The following RFX8 variants were observed in gnomAD, a reference collection of about 807,000 sequenced individuals.
The protein encoded by RFX8 is regulatory factor X8.
Under a neutral mutation model 54.6 loss-of-function variants are expected in RFX8, and 46 were observed. That is an observed-to-expected ratio of 0.84 (90% confidence interval 0.67 to 1.08). The LOEUF (loss-of-function observed/expected upper bound fraction) is 1.08, where lower values mean the gene tolerates loss of function less well. Ranked by LOEUF, RFX8 falls within the 50% of genes least tolerant of loss-of-function variation. The probability of loss-of-function intolerance (pLI) is 0.00; values close to 1 mark genes in which losing one functional copy is unlikely to be tolerated. For missense variants in RFX8, 536 were observed against 562.3 expected, an observed-to-expected ratio of 0.95 and a Z score of 0.47; for synonymous variants, 192 against 209.5, an observed-to-expected ratio of 0.92 and a Z score of 0.72.
chr2:101,418,143 G>A (rs1302100069), intron 5 of RFX8, among the ~76,000 whole-genome samples: 2 of 152,132 alleles, frequency 1.3e-5, no homozygotes. Flanking sequence ...ACCCGCCTCA[G>A]CCTCCCAAAG....
At chr2:101,439,596 C>CTTTTTTTTTTTTTTTTTTTTTTTTTTTT (rs139433618) in intron 2 of RFX8, among the ~76,000 whole-genome samples, 1 of 143,604 alleles carries the variant, frequency 7.0e-6, no homozygotes, top group African/African-American at 2.6e-5. Context: ...GATTGAAGTT[C>CTTTTTTTTTTTTTTTTTTTTTTTTTTTT]ATTTTTTTTT....
intron 2 of RFX8, chr2:101,452,463 G>C (rs545529235): frequency 2.3e-6 from 3 of 1,287,752 alleles, no homozygotes; most frequent in African/African-American, 3.1e-5. Context: ...GAATAAGCCA[G>C]ATTTAAAGTT....
intron 2 of RFX8, among the ~76,000 whole-genome samples, chr2:101,447,085 G>A (rs1350258026): frequency 2.6e-5 from 4 of 152,146 alleles, no homozygotes; most frequent in Middle Eastern, 3.2e-3. Context: ...AGGTTTAGGT[G>A]GGACAGGCTT....
intron 2 of RFX8, among the ~76,000 whole-genome samples, chr2:101,454,073 G>A (rs1317347117): frequency 4.7e-5 from 7 of 150,534 alleles, no homozygotes; most frequent in African/African-American, 1.5e-4. Flanking sequence ...ACAGGCCCCG[G>A]TGTGTGATGT....
chr2:101,421,258 A>C (rs1315264430), intron 4 of RFX8: 2 of 985,686 alleles, frequency 2.0e-6, no homozygotes, highest in Admixed American at 6.1e-5. Flanking sequence ...AATAGCTGAA[A>C]GATTTATTCA....
intron 4 of RFX8, among the ~76,000 whole-genome samples, chr2:101,420,781 C>T (rs1686821382): frequency 1.3e-5 from 2 of 152,074 alleles, no homozygotes; most frequent in African/African-American, 2.4e-5. Context: ...TCTCTGTTAC[C>T]CTTCTCTGGG....
At chr2:101,463,669 G>A in intron 2 of RFX8, among the ~76,000 whole-genome samples, 1 of 152,160 alleles carries the variant, frequency 6.6e-6, no homozygotes. Flanking sequence ...TCCCAAGGGG[G>A]CCCTGAACAC....
At chr2:101,450,171 T>A (rs1688600371) in intron 2 of RFX8, among the ~76,000 whole-genome samples, 1 of 152,132 alleles carries the variant, frequency 6.6e-6, no homozygotes, top group South Asian at 2.1e-4. Context: ...AACCAAAAAG[T>A]CAGTTAGATA....
At chr2:101,407,748 C>G (rs913148363) in intron 9 of RFX8, among the ~76,000 whole-genome samples, 8 of 152,094 alleles carry the variant, frequency 5.3e-5, no homozygotes, top group African/African-American at 1.9e-4. Context: ...AGGGATGCAG[C>G]TCTGAGTGAC....
intron 2 of RFX8, among the ~76,000 whole-genome samples, chr2:101,445,045 G>C (rs1688294773): frequency 6.6e-6 from 1 of 152,196 alleles, no homozygotes; most frequent in Non-Finnish European, 1.5e-5. Flanking sequence ...TGCATAGTGT[G>C]CTGCTGCTTC....
intron 9 of RFX8, among the ~76,000 whole-genome samples, chr2:101,409,226 G>A (rs1253186373): frequency 1.3e-5 from 2 of 152,028 alleles, no homozygotes; most frequent in Non-Finnish European, 2.9e-5. Flanking sequence ...TTGTTTGTTT[G>A]TTTGTTTGTT....
chr2:101,414,876 G>A lies in RFX8; in HGVS notation c.539C>T (p.Thr180Met), dbSNP rs561167999. 175 of 1,550,560 alleles carry A rather than the reference G, an allele frequency of 1.1e-4. 3 individuals are homozygous for A. The South Asian group carries it at 1.9e-3, about 17-fold the overall frequency. Residue 180 changes from threonine to methionine, a missense_variant, in exon 7 of 12, where the codon ACG becomes ATG. By Grantham distance (81) the Thr-to-Met change is moderately conservative. Transcript: ENST00000428343. ...TACCTTAGCCATGTTGGAAAGGTAC[G>A]TCTTTCTTCTTAGTCTTTTGACAAA... ...TLFVKRLRRK[T>M]YLSNMAKTMR...
At position 101,402,639 on chromosome 2, in the gene RFX8, G is replaced by A. The variant is rs1475818941; in HGVS notation, c.1042C>T (p.Pro348Ser). The part of the protein sequence containing the change: ...EDMGTVKEML[P>S]DDPTLGQPDQ... ...GGCTGGCCGAGAGTCGGGTCATCTG[G>A]TAGCATTTCCTTGACAGTCCCCATG... The change falls in exon 11 of 12, where the codon CCA (proline) becomes TCA (serine). Residue 348 changes from proline (P) to serine (S), a missense_variant. Coordinates refer to ENST00000428343, the MANE Select transcript of RFX8 (RefSeq NM_001145664.2). The A allele has an allele frequency of 6.4e-7, 1 of 1,553,542 alleles. No individual in the cohort carries two copies. Among genetic ancestry groups the A allele is most frequent in the Non-Finnish European group, 8.7e-7 (1 of 1,147,824 alleles).
chr2:101,452,624 G>A (rs1157524610), intron 2 of RFX8, among the ~76,000 whole-genome samples: 1 of 152,102 alleles, frequency 6.6e-6, no homozygotes, highest in African/African-American at 2.4e-5. Flanking sequence ...AAATGTAAAT[G>A]AAATTTTGGG....
intron 10 of RFX8, among the ~76,000 whole-genome samples, chr2:101,403,719 G>A (rs1391419690): frequency 5.3e-5 from 8 of 152,114 alleles, no homozygotes; most frequent in East Asian, 1.9e-4. Context: ...CCCAGGAGGC[G>A]GAGGTTGCAA....
chr2:101,417,754 A>G (rs956372999), intron 5 of RFX8, 70 bp from the exon 6 acceptor site: 39 of 1,330,036 alleles, frequency 2.9e-5, no homozygotes, highest in Non-Finnish European at 2.5e-5. Context: ...TATGCATGCC[A>G]CAGGGACAGG....
intron 1 of RFX8, among the ~76,000 whole-genome samples, chr2:101,469,065 T>TGTATATATATATAAGTGTATATATATAA: frequency 4.0e-5 from 1 of 24,872 alleles, no homozygotes; most frequent in East Asian, 6.0e-4. Flanking sequence ...CGTATATATA[T>TGTATATATATATAAGTGTATATATATAA]GTATATATAT....
At chr2:101,450,610 C>G in intron 2 of RFX8, 4 of 1,497,886 alleles carry the variant, frequency 2.7e-6, no homozygotes, top group Non-Finnish European at 3.6e-6. Context: ...TACCTTTTTT[C>G]ACCTATCAGG....
intron 9 of RFX8, among the ~76,000 whole-genome samples, chr2:101,409,805 G>A (rs1685988474): frequency 6.6e-6 from 1 of 152,106 alleles, no homozygotes; most frequent in African/African-American, 2.4e-5. Flanking sequence ...TGGCCTCCCT[G>A]TAGGTTTTAA....
Sources: gnomAD v4.1 joint callset for allele counts (sites outside exome capture counted in the v4.1 genomes callset) on GRCh38, gnomAD v4.1.1 for gene constraint, MANE v1.5 for transcripts, NCBI Gene and HGNC (gene_info 2026-07-23, HGNC 2026-07-21) for gene names.